CUX1: variants seen among roughly 807,000 people sequenced by gnomAD.
CUX1 encodes cut like homeobox 1.
In CUX1, 31 loss-of-function variants were observed where a neutral mutation model predicts 158.8. The observed-to-expected ratio is 0.20, with a 90% CI of 0.15 to 0.26. The LOEUF (loss-of-function observed/expected upper bound fraction) is 0.26. Ranked by LOEUF, CUX1 falls within the 10% of genes least tolerant of loss-of-function variation. The pLI, the probability that CUX1 is intolerant of heterozygous loss-of-function variation, is 1.00. For synonymous variants in CUX1, 879 were observed against 862.1 expected, an observed-to-expected ratio of 1.02 and a Z score of -0.34; for missense variants, 1,589 against 2,014.6, an observed-to-expected ratio of 0.79 and a Z score of 4.04.
chr7:102,102,503 C>A (rs407349), intron 5 of CUX1, among the ~76,000 whole-genome samples: 6,669 of 151,150 alleles, frequency 0.044, 166 homozygotes, highest in South Asian at 0.074. Flanking sequence ...GTGTTTTGCT[C>A]CTGCTCTGGC....
intron 2 of CUX1, among the ~76,000 whole-genome samples, chr7:102,019,997 A>G (rs920629360): frequency 1.3e-5 from 2 of 152,174 alleles, no homozygotes; most frequent in Non-Finnish European, 2.9e-5. Context: ...GTAGAAAAAG[A>G]CTATTCATTT....
At chr7:102,118,411 A>G (rs1475247258) in intron 8 of CUX1, among the ~76,000 whole-genome samples, 5 of 152,074 alleles carry the variant, frequency 3.3e-5, no homozygotes, top group Non-Finnish European at 1.5e-5. Context: ...GGTAGCTCCT[A>G]ACTGTAGTCC....
intron 1 of CUX1, among the ~76,000 whole-genome samples, chr7:101,877,823 G>T (rs1250876045): frequency 6.7e-6 from 1 of 150,046 alleles, no homozygotes; most frequent in African/African-American, 2.5e-5. Context: ...CGACACCATT[G>T]TTCAATGATA....
At chr7:102,157,259 A>C (rs1046714803) in intron 8 of CUX1, among the ~76,000 whole-genome samples, 1 of 152,082 alleles carries the variant, frequency 6.6e-6, no homozygotes, top group African/African-American at 2.4e-5. Context: ...GAGCCACAGC[A>C]TGAGAGCCCT....
At chr7:101,846,555 T>C (rs74386494) in intron 1 of CUX1, among the ~76,000 whole-genome samples, 5,453 of 152,196 alleles carry the variant, frequency 0.036, 524 homozygotes, top group East Asian at 0.35. Flanking sequence ...CTTGAACTCT[T>C]TGGCCTCAGC....
intron 3 of CUX1, among the ~76,000 whole-genome samples, chr7:102,032,521 T>G (rs1820913397): frequency 6.6e-6 from 1 of 151,816 alleles, no homozygotes; most frequent in South Asian, 2.1e-4. Context: ...ATACAAAAAT[T>G]AGGCGGGCAT....
At chr7:102,271,884 C>T (rs1359200333) in intron 14 of CUX1, among the ~76,000 whole-genome samples, 5 of 152,072 alleles carry the variant, frequency 3.3e-5, no homozygotes, top group East Asian at 1.9e-4. Context: ...TAACTGGGCA[C>T]GGTGGCAGGC....
chr7:102,262,960 A>G (rs1478090914), downstream of CUX1, among the ~76,000 whole-genome samples: 2 of 151,862 alleles, frequency 1.3e-5, no homozygotes, highest in Non-Finnish European at 2.9e-5. Context: ...GTTGCTTCGA[A>G]GGTGATCAAT....
intron 2 of CUX1, among the ~76,000 whole-genome samples, chr7:101,981,200 C>A: frequency 6.6e-6 from 1 of 152,034 alleles, no homozygotes; most frequent in South Asian, 2.1e-4. Flanking sequence ...GCCCCCTCCT[C>A]CCCCAACCTA....
At chr7:102,002,850 T>G (rs1486099313) in intron 2 of CUX1, among the ~76,000 whole-genome samples, 2 of 152,126 alleles carry the variant, frequency 1.3e-5, no homozygotes, top group Non-Finnish European at 2.9e-5. Context: ...TTCCAGTCCT[T>G]GGAAGGGGAA....
intron 1 of CUX1, among the ~76,000 whole-genome samples, chr7:101,895,902 G>GT (rs1193952295): frequency 8.2e-4 from 33 of 40,432 alleles, no homozygotes; most frequent in Middle Eastern, 0.015. Flanking sequence ...TTTTTTTTTT[G>GT]TTTTTGTTTT....
At chr7:101,992,876 A>T (rs1273169586) in intron 2 of CUX1, among the ~76,000 whole-genome samples, 1 of 149,200 alleles carries the variant, frequency 6.7e-6, no homozygotes, top group African/African-American at 2.5e-5. Flanking sequence ...ATCTAGTTCC[A>T]TTTGCAATAG....
At position 102,073,161 on chromosome 7, in the gene CUX1, CTTTCTT is replaced by C. The variant is rs1826325515; in HGVS notation, c.268+2748_268+2753del. ...TTCTAAATAATATGTAATCTCTTTT[CTTTCTT>C]TTTTTTTTTTTTTTTTTTTTTTCTG... On this transcript the variant is annotated intron_variant, in intron 4 of 23. Transcript: ENST00000292535. 6.4e-5 allele frequency among the ~76,000 whole-genome samples: 3 copies of C among 47,082 alleles called. No individual in the cohort carries two copies. The South Asian group carries it at 2.2e-3, about 34-fold the overall frequency. The allele number at this position is 47,082 out of a possible 152,430, so 30.9% of individuals were successfully genotyped here.
chr7:101,876,037 G>T (rs930155465), intron 1 of CUX1, among the ~76,000 whole-genome samples: 5 of 152,106 alleles, frequency 3.3e-5, no homozygotes, highest in African/African-American at 1.2e-4. Flanking sequence ...TAGGTGAGTG[G>T]AAGTAACACG....
intron 11 of CUX1, among the ~76,000 whole-genome samples, chr7:102,180,550 G>T (rs188599171): frequency 1.3e-5 from 2 of 151,362 alleles, no homozygotes; most frequent in South Asian, 2.1e-4. Flanking sequence ...GGTCTGGGAC[G>T]CCTGGGCTCA....
intron 2 of CUX1, among the ~76,000 whole-genome samples, chr7:102,026,354 G>A (rs1413413154): frequency 6.6e-6 from 1 of 152,142 alleles, no homozygotes; most frequent in East Asian, 1.9e-4. Flanking sequence ...TTAACTTTAA[G>A]TTATATTTAA....
intron 2 of CUX1, among the ~76,000 whole-genome samples, chr7:101,986,441 C>T (rs1814305694): frequency 6.6e-6 from 1 of 152,344 alleles, no homozygotes; most frequent in South Asian, 2.1e-4. Flanking sequence ...ACCTGTTCGT[C>T]TCATGACTCA....
chr7:101,886,117 G>T (rs886736349), intron 1 of CUX1, among the ~76,000 whole-genome samples: 2 of 152,194 alleles, frequency 1.3e-5, no homozygotes, highest in African/African-American at 2.4e-5. Flanking sequence ...CTGAATGTGG[G>T]TGGTTACCCT....
At position 102,201,675 on chromosome 7, in the gene CUX1, G is replaced by C; in HGVS notation, c.2378G>C (p.Gly793Ala). The C allele has an allele frequency of 6.2e-7, 1 of 1,612,918 alleles. No homozygotes were observed. The highest frequency in any genetic ancestry group is 1.3e-5 in the African/African-American group (1 of 75,062). The change falls in exon 18 of 24, where the codon GGG (glycine) becomes GCG (alanine). Residue 793 changes from glycine (G) to alanine (A), a missense_variant. Coordinates refer to ENST00000292535, the MANE Select transcript of CUX1 (RefSeq NM_181552.4). The surrounding 1 kb of genome is among the most constrained non-coding windows in gnomAD (Gnocchi z 5.0). Reference sequence around the variant, plus strand: ...AAAAAGGAGGCCCAGGACGCCCCCGGGCTGGACCCCCAGGGAGCAGCCGAT... The same window carrying C: ...AAAAAGGAGGCCCAGGACGCCCCCGCGCTGGACCCCCAGGGAGCAGCCGAT... Reference protein sequence around the residue: ...ALKKEAQDAPGLDPQGAADCA... With the variant: ...ALKKEAQDAPALDPQGAADCA...
Sources: allele counts gnomAD v4.1 joint callset (sites outside exome capture counted in the v4.1 genomes callset), GRCh38; gene constraint gnomAD v4.1.1; non-coding constraint Gnocchi (gnomAD v3.1); transcripts MANE v1.5; gene names NCBI Gene and HGNC (gene_info 2026-07-23, HGNC 2026-07-21).